Variants in AFF1 observed in about 807,000 individuals in gnomAD.
AFF1 encodes the protein ALF transcription elongation factor 1, also known as AF4/FMR2 family member 1.
A neutral mutation model predicts 121.7 loss-of-function variants in AFF1; 48 were observed. That is an observed-to-expected ratio of 0.39 (90% CI 0.31 to 0.50). AFF1 has a LOEUF of 0.50. Among genes scored for constraint, AFF1 ranks in the 20% least tolerant of loss-of-function variants. AFF1 has a pLI of 0.76. For synonymous variants in AFF1, 613 were observed against 563.0 expected, an observed-to-expected ratio of 1.09 and a Z score of -1.26; for missense variants, 1,523 against 1,511.7, an observed-to-expected ratio of 1.01 and a Z score of -0.12.
intron 2 of AFF1, among the ~76,000 whole-genome samples, chr4:87,010,838 A>C (rs1036097368): frequency 6.6e-6 from 1 of 152,198 alleles, no homozygotes; most frequent in African/African-American, 2.4e-5. Context: ...CTGTAATCCC[A>C]GCACTTTTGG....
intron 8 of AFF1, among the ~76,000 whole-genome samples, chr4:87,098,285 AAT>A (rs1254567295): frequency 6.6e-6 from 1 of 152,204 alleles, no homozygotes; most frequent in Non-Finnish European, 1.5e-5. Flanking sequence ...TTATTTCTCA[AAT>A]AATTCCTTCT....
chr4:87,033,130 G>A (rs540773625), intron 2 of AFF1, among the ~76,000 whole-genome samples: 3 of 152,218 alleles, frequency 2.0e-5, no homozygotes, highest in Non-Finnish European at 4.4e-5. Context: ...GTGATAGTGA[G>A]ACCCTGTCTC....
At chr4:86,960,276 G>C (rs1211234062) in intron 2 of AFF1, among the ~76,000 whole-genome samples, 1 of 152,120 alleles carries the variant, frequency 6.6e-6, no homozygotes, top group Non-Finnish European at 1.5e-5. Context: ...GAAAAATGCT[G>C]TGCCTAGGAC....
chr4:87,130,982 T>A lies in AFF1; in HGVS notation c.2965-101T>A, dbSNP rs376407491. 2.8e-5 allele frequency: 41 copies of A among 1,460,976 alleles called. No individual in the cohort carries two copies. In the Middle Eastern group the frequency reaches 7.2e-4, roughly 26 times the overall value. The allele number at this position is 1,460,976 out of a possible 1,614,324, so 90.5% of individuals were successfully genotyped here. Reference sequence around the variant, plus strand: ...CCTCACACTTCTCCCTGGCCATAATTAAACTAAGACAGTGGAGGAAAGTCA... The same window carrying A: ...CCTCACACTTCTCCCTGGCCATAATAAAACTAAGACAGTGGAGGAAAGTCA... On this transcript the variant is annotated intron_variant, in intron 16 of 20. Coordinates refer to ENST00000395146, the MANE Select transcript of AFF1 (RefSeq NM_001166693.3).
chr4:87,041,430 T>C (rs543006294), intron 2 of AFF1, among the ~76,000 whole-genome samples: 2 of 152,190 alleles, frequency 1.3e-5, no homozygotes, highest in African/African-American at 4.8e-5. Flanking sequence ...TTGTTCAACA[T>C]ACAAGCCTTG....
intron 2 of AFF1, among the ~76,000 whole-genome samples, chr4:87,037,680 G>A (rs1484788668): frequency 6.6e-6 from 1 of 152,088 alleles, no homozygotes; most frequent in South Asian, 2.1e-4. Context: ...GCATACAGAA[G>A]TACCTGGCAA....
intron 4 of AFF1, among the ~76,000 whole-genome samples, chr4:87,077,656 T>G (rs1722802942): frequency 6.6e-6 from 1 of 152,222 alleles, no homozygotes; most frequent in Non-Finnish European, 1.5e-5. Context: ...AGTGGTATTT[T>G]ATGCATAGTA....
chr4:87,108,172 C>T lies in AFF1; in HGVS notation c.1390C>T (p.Leu464Phe), dbSNP rs1726112166. The stretch of plus-strand genomic sequence containing the variant: ...GTTGCTTTGCAGTGCTCCACAGTCC[C>T]TTCCAGAACCAGTGGCATCAGCACA... The part of the protein sequence containing the change: ...SSAPPSAPQS[L>F]PEPVASAHSS... The change falls in exon 11 of 21, where the codon CTT (leucine) becomes TTT (phenylalanine). Residue 464 changes from leucine (L) to phenylalanine (F), a missense_variant. Transcript: ENST00000395146. 1 of 1,613,922 alleles carries T rather than the reference C, an allele frequency of 6.2e-7. No homozygotes were observed. Among genetic ancestry groups the T allele is most frequent in the African/African-American group, 1.3e-5 (1 of 74,928 alleles).
intron 2 of AFF1, among the ~76,000 whole-genome samples, chr4:86,986,189 G>A (rs1319794406): frequency 1.3e-5 from 2 of 151,696 alleles, no homozygotes; most frequent in African/African-American, 2.4e-5. Flanking sequence ...CTTGTGCCTC[G>A]ACCTCCCGAG....
intron 2 of AFF1, among the ~76,000 whole-genome samples, chr4:86,986,882 G>C (rs1207035439): frequency 6.6e-6 from 1 of 152,024 alleles, no homozygotes; most frequent in African/African-American, 2.4e-5. Flanking sequence ...ATTTTTTAAA[G>C]AGAGGGTCTC....
chr4:87,105,871 G>C (rs150890635), intron 10 of AFF1, 26 bp downstream of exon 10: 9 of 1,613,036 alleles, frequency 5.6e-6, no homozygotes, highest in Non-Finnish European at 8.5e-7. Flanking sequence ...CTCCCCATCT[G>C]TACAGAATGT....
At chr4:87,041,979 C>T (rs564776520) in intron 2 of AFF1, among the ~76,000 whole-genome samples, 2 of 149,924 alleles carry the variant, frequency 1.3e-5, no homozygotes, top group East Asian at 3.9e-4. Flanking sequence ...CACTGCACTC[C>T]AGCCTGGGCG....
At position 86,991,932 on chromosome 4, in the gene AFF1, C is replaced by A. The variant is rs1376618300; in HGVS notation, c.38+43361C>A. Among the ~76,000 whole-genome samples, 13 of 147,940 alleles carry A rather than the reference C, an allele frequency of 8.8e-5. No individual in the cohort carries two copies. In the Admixed American group the frequency reaches 9.0e-4, roughly 10 times the overall value. ...ATTTTCTTTCAACCTTCAGACACTT[C>A]TCGAGAAAACCAAACCAACCATGAT... On this transcript the variant is annotated intron_variant, in intron 2 of 20. Coordinates refer to ENST00000395146, the MANE Select transcript of AFF1 (RefSeq NM_001166693.3).
chr4:87,045,678 G>A (rs1392714356), intron 2 of AFF1, among the ~76,000 whole-genome samples: 2 of 152,142 alleles, frequency 1.3e-5, no homozygotes, highest in African/African-American at 2.4e-5. Context: ...TGTTTTGGGT[G>A]CCTGGTAATC....
At chr4:87,037,424 G>T (rs1729676220) in intron 2 of AFF1, among the ~76,000 whole-genome samples, 1 of 152,084 alleles carries the variant, frequency 6.6e-6, no homozygotes, top group Non-Finnish European at 1.5e-5. Context: ...CAGTTCTCCT[G>T]AGTCAGCCTT....
chr4:87,010,338 G>A (rs1726613387), intron 2 of AFF1, among the ~76,000 whole-genome samples: 1 of 152,198 alleles, frequency 6.6e-6, no homozygotes, highest in Admixed American at 6.5e-5. Context: ...TATTCCTAGA[G>A]TTGAGAAAGG....
intron 20 of AFF1, among the ~76,000 whole-genome samples, chr4:87,135,080 G>A (rs1420710075): frequency 6.6e-6 from 1 of 152,154 alleles, no homozygotes; most frequent in African/African-American, 2.4e-5. Context: ...CCCAAATACC[G>A]AGATTATTTG....
intron 2 of AFF1, among the ~76,000 whole-genome samples, chr4:87,027,539 G>C (rs1728636885): frequency 6.6e-6 from 1 of 152,208 alleles, no homozygotes; most frequent in African/African-American, 2.4e-5. Context: ...CTAGAGGAGA[G>C]AGGAGAGTCT....
At chr4:86,995,736 C>T (rs1725104914) in intron 2 of AFF1, among the ~76,000 whole-genome samples, 3 of 152,062 alleles carry the variant, frequency 2.0e-5, no homozygotes, top group African/African-American at 4.8e-5. Context: ...GCCGCCACCC[C>T]GTCTGGGAAG....
Sources: gnomAD v4.1 joint callset for allele counts (sites outside exome capture counted in the v4.1 genomes callset) on GRCh38, gnomAD v4.1.1 for gene constraint, MANE v1.5 for transcripts, NCBI Gene and HGNC (gene_info 2026-07-23, HGNC 2026-07-21) for gene names.